SPNS3: variants seen among roughly 807,000 people sequenced by gnomAD.
SPNS3 encodes the protein SPNS lysolipid transporter 3, sphingosine-1-phosphate (putative).
SPNS3 carries 51 observed loss-of-function variants against 54.4 expected under a neutral mutation model. The observed-to-expected ratio is 0.94, with a 90% confidence interval of 0.75 to 1.18. The LOEUF is 1.18. Among genes scored for constraint, SPNS3 ranks in the 50% most tolerant of loss-of-function variants. The pLI is 0.00. For missense variants in SPNS3, 669 were observed against 677.4 expected (o/e 0.99, Z 0.14); for synonymous variants, 309 against 294.7 (o/e 1.05, Z -0.50).
chr17:4,479,394 T>C (rs991296258), intron 9 of SPNS3, among the ~76,000 whole-genome samples: 3 of 152,238 alleles, frequency 2.0e-5, no homozygotes, highest in Non-Finnish European at 4.4e-5. Context: ...CAGGCTGCCA[T>C]GCAAGGATCA....
Position 4,449,383 on chromosome 17 carries a change from G to A in SPNS3, c.919G>A (p.Asp307Asn), listed in dbSNP as rs369176564. ...CTTCCAGGAGCCGTGCAGCAACCCC[G>A]ACAGGTGAGGGCATCCGGGGGCCCT... Reference protein sequence around the residue: ...PCFQEPCSNPDSLIFGALTIM... With the variant: ...PCFQEPCSNPNSLIFGALTIM... Residue 307 changes from aspartate to asparagine, a missense_variant, in exon 7 of 12, where the codon GAC becomes AAC. Physicochemically the swap from Asp to Asn is conservative, Grantham distance 23 (BLOSUM62 1). Coordinates refer to ENST00000355530, the MANE Select transcript of SPNS3 (RefSeq NM_182538.5). 34 of 1,593,656 alleles carry A rather than the reference G, an allele frequency of 2.1e-5. No homozygotes were observed. In the South Asian group the frequency reaches 2.2e-4, roughly 11 times the overall value.
intron 1 of SPNS3, among the ~76,000 whole-genome samples, chr17:4,437,885 C>T (rs1213786365): frequency 6.6e-6 from 1 of 151,292 alleles, no homozygotes; most frequent in African/African-American, 2.4e-5. Flanking sequence ...CTCCCAGGTT[C>T]AAGCGATTCT....
intron 8 of SPNS3, among the ~76,000 whole-genome samples, chr17:4,475,391 G>A (rs1971963323): frequency 6.6e-6 from 1 of 152,222 alleles, no homozygotes; most frequent in Non-Finnish European, 1.5e-5. Flanking sequence ...GGGGAGGCCT[G>A]GAGTGCACTG....
intron 1 of SPNS3, among the ~76,000 whole-genome samples, chr17:4,436,012 G>A (rs575246088): frequency 9.5e-4 from 130 of 136,210 alleles, no homozygotes; most frequent in African/African-American, 3.4e-3. Flanking sequence ...ATTCAAGACC[G>A]GCTGAGCACT....
At chr17:4,487,047 C>T (rs1273603625) in intron 11 of SPNS3, among the ~76,000 whole-genome samples, 1 of 151,830 alleles carries the variant, frequency 6.6e-6, no homozygotes, top group Non-Finnish European at 1.5e-5. Context: ...TGGCACACAC[C>T]TGTAGTCCCA....
intron 8 of SPNS3, 42 bp downstream of exon 8, chr17:4,453,247 G>A (rs776495316): frequency 1.3e-6 from 2 of 1,561,958 alleles, no homozygotes; most frequent in South Asian, 2.3e-5. Flanking sequence ...GGGTTGGGGG[G>A]CGAGGAACTC....
chr17:4,446,123 GTCCTGGGCGACCTCT>G lies in SPNS3; in HGVS notation c.481_495del (p.Leu161_Phe165del). 2 of 1,613,590 alleles carry G rather than the reference GTCCTGGGCGACCTCT, an allele frequency of 1.2e-6. No homozygotes were observed. The highest frequency in any genetic ancestry group is 1.7e-6 in the Non-Finnish European group (2 of 1,179,688). On this transcript the variant is annotated inframe_deletion, in exon 4 of 12. Transcript: ENST00000355530. ...CAGCTACTCCACCATCGCGCCCACC[GTCCTGGGCGACCTCT>G]TCGTGAGGGACCAGCGCACCCGCGT...
At chr17:4,474,396 G>A (rs190587833) in intron 8 of SPNS3, among the ~76,000 whole-genome samples, 8 of 152,290 alleles carry the variant, frequency 5.3e-5, no homozygotes, top group Non-Finnish European at 7.4e-5. Context: ...GAGATCGTCC[G>A]TGAGGGAGGA....
chr17:4,458,829 C>G (rs966441007), intron 8 of SPNS3, among the ~76,000 whole-genome samples: 2 of 151,658 alleles, frequency 1.3e-5, no homozygotes, highest in Non-Finnish European at 2.9e-5. Flanking sequence ...ACAGAGTGAG[C>G]TTTCTGACAC....
intron 8 of SPNS3, among the ~76,000 whole-genome samples, chr17:4,458,179 GCTGT>G (rs1252595118): frequency 6.6e-6 from 1 of 152,118 alleles, no homozygotes; most frequent in Non-Finnish European, 1.5e-5. Context: ...CTCATGCCTT[GCTGT>G]CTTTCTCCAG....
rs73340473 is a variant in SPNS3 at position 4,454,026 on chromosome 17, C to T, written c.1113+821C>T. ...TTTCTTCCACCAAGAACACCAGTTC[C>T]TCTTTTGTGCATCCTGAAATCCTCC... is the stretch of plus-strand genomic sequence containing the variant. On this transcript the variant is annotated intron_variant, in intron 8 of 11. Coordinates refer to ENST00000355530, the MANE Select transcript of SPNS3 (RefSeq NM_182538.5). 3.3e-3 allele frequency among the ~76,000 whole-genome samples: 499 copies of T among 152,336 alleles called. 1 individual carries two copies. Among genetic ancestry groups the T allele is most frequent in the African/African-American group, 0.011 (466 of 41,580 alleles).
chr17:4,485,966 A>C (rs1185663925), intron 9 of SPNS3, among the ~76,000 whole-genome samples: 1 of 152,208 alleles, frequency 6.6e-6, no homozygotes, highest in East Asian at 1.9e-4. Context: ...GTTCCTTCCC[A>C]GTTCAAGAGC....
intron 9 of SPNS3, among the ~76,000 whole-genome samples, chr17:4,479,859 T>G (rs1972108135): frequency 6.6e-6 from 1 of 152,208 alleles, no homozygotes; most frequent in Non-Finnish European, 1.5e-5. Flanking sequence ...GCACCTGCCT[T>G]ATGGATTGAT....
Position 4,486,714 on chromosome 17 carries a change from G to A in SPNS3, c.1450+131G>A, listed in dbSNP as rs1597349598. The A allele has an allele frequency of 2.0e-6, 2 of 979,262 alleles. No individual in the cohort carries two copies. The highest frequency in any genetic ancestry group is 2.7e-5 in the East Asian group (1 of 37,064). The allele number at this position is 979,262 out of a possible 1,614,324, so 60.7% of individuals were successfully genotyped here. Reference sequence around the variant, plus strand: ...GAAATGCTTAGTACACCCCTGCTATGTACCAGGGAAGGTTGCAGATGCTGG... The same window carrying A: ...GAAATGCTTAGTACACCCCTGCTATATACCAGGGAAGGTTGCAGATGCTGG... On this transcript the variant is annotated intron_variant, in intron 11 of 11. Transcript: ENST00000355530. The surrounding 1 kb of genome is among the most constrained non-coding windows in gnomAD (Gnocchi z 5.5).
chr17:4,439,838 G>C, intron 2 of SPNS3, 115 bp downstream of exon 2: 1 of 925,352 alleles, frequency 1.1e-6, no homozygotes, highest in Non-Finnish European at 1.7e-6. Flanking sequence ...CTGGCACAGA[G>C]GGTGGGTGGG....
chr17:4,445,145 T>C lies in SPNS3; in HGVS notation c.379T>C (p.Ser127Pro). The C allele has an allele frequency of 6.2e-7, 1 of 1,613,598 alleles. No homozygotes were observed. The highest frequency in any genetic ancestry group is 8.5e-7 in the Non-Finnish European group (1 of 1,179,604). Residue 127 changes from serine to proline, a missense_variant, in exon 3 of 12, where the codon TCT becomes CCT. Transcript: ENST00000355530. The part of the protein sequence containing the change: ...GILLWSGAGL[S>P]SSFISPRYSW... The stretch of plus-strand genomic sequence containing the variant: ...CTTGCTGTGGTCAGGAGCTGGCCTC[T>C]CTAGCTCCTTCATCTCCCCCCGGGT...
Position 4,453,086 on chromosome 17 carries a change from A to T in SPNS3, c.994A>T (p.Arg332Trp), listed in dbSNP as rs1206247736. 1 of 1,614,020 alleles carries T rather than the reference A, an allele frequency of 6.2e-7. No individual in the cohort carries two copies. The highest frequency in any genetic ancestry group is 1.7e-5 in the Admixed American group (1 of 59,996). ...CATCTTGGGGGCAGAAGCTGCGAGG[A>T]GGTACAAGAAAGTCATTCCAGGAGC... is the stretch of plus-strand genomic sequence containing the variant. ...GVILGAEAARRYKKVIPGAEP... is the reference protein window; with the variant it reads ...GVILGAEAARWYKKVIPGAEP... The change falls in exon 8 of 12, where the codon AGG (arginine) becomes TGG (tryptophan). Residue 332 changes from arginine (R) to tryptophan (W), a missense_variant. Physicochemically the swap from Arg to Trp is moderately radical, Grantham distance 101. Coordinates refer to ENST00000355530, the MANE Select transcript of SPNS3 (RefSeq NM_182538.5).
intron 8 of SPNS3, among the ~76,000 whole-genome samples, chr17:4,460,663 C>T (rs141236767): frequency 0.013 from 1,994 of 150,616 alleles, 42 homozygotes; most frequent in African/African-American, 0.046. Context: ...AGGATTGTCT[C>T]GATCTCCTGA....
chr17:4,464,003 G>T (rs1971614229), intron 8 of SPNS3, among the ~76,000 whole-genome samples: 1 of 152,168 alleles, frequency 6.6e-6, no homozygotes, highest in East Asian at 1.9e-4. Flanking sequence ...TGCTACTTTT[G>T]TGCCTGTAAC....
Sources: gnomAD v4.1 joint callset for allele counts (sites outside exome capture counted in the v4.1 genomes callset) on GRCh38, gnomAD v4.1.1 for gene constraint, Gnocchi (gnomAD v3.1) non-coding constraint, MANE v1.5 for transcripts, NCBI Gene and HGNC (gene_info 2026-07-23, HGNC 2026-07-21) for gene names.